The following SLC35E3 variants were observed in gnomAD, a reference collection of about 807,000 sequenced individuals.
The protein encoded by SLC35E3 is bladder cancer-overexpressed gene 1 protein.
A neutral mutation model predicts 30.8 loss-of-function variants in SLC35E3; 28 were observed. The observed-to-expected ratio is 0.91, with a 90% CI of 0.67 to 1.25. SLC35E3 has a LOEUF of 1.25. SLC35E3 is among the 50% of genes most tolerant of loss of function. The pLI, the probability that SLC35E3 is intolerant of heterozygous loss-of-function variation, is 0.00. For missense variants in SLC35E3, 365 were observed against 375.4 expected (o/e 0.97, Z 0.23); for synonymous variants, 146 against 149.2 (o/e 0.98, Z 0.16).
Position 68,746,599 on chromosome 12 carries a change from C to T in SLC35E3, c.222C>T (p.Pro74=), listed in dbSNP as rs1328251344. Residue 74 remains proline, a synonymous_variant, in exon 1 of 5, where the codon CCC becomes CCT. Coordinates refer to ENST00000398004, the MANE Select transcript of SLC35E3 (RefSeq NM_018656.5). ...TCTTTGCCCCCAAAAGTCTGCCGCC[C>T]TCCAGGCTCCTCCTCCTGGCCCTCA... ...LDIFAPKSLP[P]SRLLLLALSF... The T allele has an allele frequency of 4.3e-6, 7 of 1,614,140 alleles. No homozygotes were observed. In the Admixed American group the frequency reaches 1.0e-4, roughly 23 times the overall value.
At position 68,768,904 on chromosome 12, in the gene SLC35E3, G is replaced by T. The variant is rs909058612; in HGVS notation, c.*4014G>T. Reference sequence around the variant, plus strand: ...CTTTTTAAAATACTTTTAAAATCTTGCTGTTTTCAACCTATTAATGACTTT... The same window carrying T: ...CTTTTTAAAATACTTTTAAAATCTTTCTGTTTTCAACCTATTAATGACTTT... On this transcript the variant is annotated 3_prime_UTR_variant, in exon 5 of 5. Transcript: ENST00000398004. The T allele has an allele frequency of 1.3e-5, 2 of 152,126 alleles. No individual in the cohort carries two copies. The highest frequency in any genetic ancestry group is 2.9e-5 in the Non-Finnish European group (2 of 68,022). 9.4% of individuals were successfully genotyped at this position (152,126 alleles called of 1,614,324 possible).
In SLC35E3 at chr12:68,766,829, T is replaced by TCTGCCTCAGC. The variant is rs557327200; in HGVS notation, c.*1942_*1951dup. ...CAAACTCTTGAGCTCAAGCCATCTG[T>TCTGCCTCAGC]CTGCCTCAGCCTCTCGAAGTGCTGG... On this transcript the variant is annotated 3_prime_UTR_variant, in exon 5 of 5. Coordinates refer to ENST00000398004, the MANE Select transcript of SLC35E3 (RefSeq NM_018656.5). 79 of 446,020 alleles carry TCTGCCTCAGC rather than the reference T, an allele frequency of 1.8e-4. No individual in the cohort carries two copies. In the East Asian group the frequency reaches 5.7e-3, roughly 32 times the overall value. The allele number at this position is 446,020 out of a possible 1,614,324, so 27.6% of individuals were successfully genotyped here. A position where few individuals can be genotyped will look rare whatever the true frequency, so the allele number is the denominator to read the frequency against.
intron 2 of SLC35E3, 129 bp downstream of exon 2, chr12:68,748,169 T>A: frequency 1.7e-6 from 1 of 592,720 alleles, no homozygotes. Flanking sequence ...TTGCATAAGT[T>A]GTCTGACTCA....
At position 68,756,340 on chromosome 12, in the gene SLC35E3, C is replaced by T. The variant is rs182869120; in HGVS notation, c.673-2817C>T. ...AAAAAAGGCAAAGAAACCAAGACCACAGCAGGCTGAGGCCATTTAGTGTGA... is the reference window on the plus strand; with the variant it reads ...AAAAAAGGCAAAGAAACCAAGACCATAGCAGGCTGAGGCCATTTAGTGTGA... On this transcript the variant is annotated intron_variant, in intron 3 of 4. Transcript: ENST00000398004. Among the ~76,000 whole-genome samples the T allele has an allele frequency of 3.2e-4, 46 of 145,540 alleles. 1 individual carries two copies. Among genetic ancestry groups the T allele is most frequent in the Admixed American group, 1.7e-3 (24 of 14,448 alleles).
At chr12:68,753,103 A>G (rs1370129230) in intron 3 of SLC35E3, among the ~76,000 whole-genome samples, 3 of 31,688 alleles carry the variant, frequency 9.5e-5, no homozygotes, top group South Asian at 1.4e-3. Flanking sequence ...CTGGGATCAC[A>G]CCTGTCTCAA....
intron 3 of SLC35E3, among the ~76,000 whole-genome samples, chr12:68,758,415 G>A (rs561888968): frequency 1.7e-4 from 26 of 150,622 alleles, no homozygotes; most frequent in Non-Finnish European, 2.8e-4. Flanking sequence ...GTGAAACTCC[G>A]TCTCAAAAAA....
At position 68,781,290 on chromosome 12, in the gene SLC35E3, T is replaced by G. The variant is rs1031289658; in HGVS notation, c.*16400T>G. 6.6e-6 allele frequency: 1 copy of G among 152,324 alleles called. No homozygotes were observed. Among genetic ancestry groups the G allele is most frequent in the Admixed American group, 6.5e-5 (1 of 15,298 alleles). 9.4% of individuals were successfully genotyped at this position (152,324 alleles called of 1,614,324 possible). On this transcript the variant is annotated 3_prime_UTR_variant, in exon 5 of 5. Transcript: ENST00000398004. ...GCACTGGGCAAATTATTCTGAATGT[T>G]CCCATGCTGAAGATTCTCTCAAAAA...
Position 68,746,274 on chromosome 12 carries a change from G to C in SLC35E3, c.-104G>C. ...TGTGCATGCCACTCCTGGGTCAGAC[G>C]GTGAGGTCGGCGTCTGCGAGGACGC... On this transcript the variant is annotated 5_prime_UTR_variant, in exon 1 of 5. Transcript: ENST00000398004. The C allele has an allele frequency of 8.8e-7, 1 of 1,137,420 alleles. No individual in the cohort carries two copies. Among genetic ancestry groups the C allele is most frequent in the Non-Finnish European group, 1.2e-6 (1 of 813,030 alleles). The allele number at this position is 1,137,420 out of a possible 1,614,324, so 70.5% of individuals were successfully genotyped here. A position where few individuals can be genotyped will look rare whatever the true frequency, so the allele number is the denominator to read the frequency against.
rs540594975 is a variant in SLC35E3 at position 68,781,131 on chromosome 12, A to G, written c.*16241A>G. 3 of 152,344 alleles carry G rather than the reference A, an allele frequency of 2.0e-5. No individual in the cohort carries two copies. Among genetic ancestry groups the G allele is most frequent in the East Asian group, 3.9e-4 (2 of 5,190 alleles). 9.4% of individuals were successfully genotyped at this position (152,344 alleles called of 1,614,324 possible). ...TATTGAGAGCATTATTTTTGAAAGT[A>G]TAAGATTTGTGATTGTAATATAAAC... On this transcript the variant is annotated 3_prime_UTR_variant, in exon 5 of 5. Coordinates refer to ENST00000398004, the MANE Select transcript of SLC35E3 (RefSeq NM_018656.5).
intron 4 of SLC35E3, among the ~76,000 whole-genome samples, chr12:68,762,022 G>A (rs1262851467): frequency 4.6e-5 from 7 of 151,882 alleles, no homozygotes; most frequent in African/African-American, 1.2e-4. Context: ...GTGAAGTGGC[G>A]CGATCATGGT....
chr12:68,752,474 A>G (rs1878840612), intron 3 of SLC35E3, among the ~76,000 whole-genome samples: 1 of 152,232 alleles, frequency 6.6e-6, no homozygotes, highest in Non-Finnish European at 1.5e-5. Flanking sequence ...GTCAAGCTAG[A>G]GCCCACAAAT....
chr12:68,759,297 C>A, intron 4 of SLC35E3, 58 bp downstream of exon 4: 1 of 1,191,824 alleles, frequency 8.4e-7, no homozygotes, highest in Non-Finnish European at 1.2e-6. Flanking sequence ...AAAACTTTTA[C>A]ATTCATTACC....
At chr12:68,750,930 A>G (rs1472544506) in intron 2 of SLC35E3, among the ~76,000 whole-genome samples, 7 of 152,194 alleles carry the variant, frequency 4.6e-5, no homozygotes, top group Non-Finnish European at 7.3e-5. Context: ...AAGTCATTCA[A>G]AAGCCTAGCT....
At chr12:68,762,408 G>A (rs976332436) in intron 4 of SLC35E3, among the ~76,000 whole-genome samples, 4 of 152,196 alleles carry the variant, frequency 2.6e-5, no homozygotes, top group African/African-American at 7.2e-5. Context: ...AGGAGGAGGC[G>A]GGGTCGGTGT....
rs1879631466 is a variant in SLC35E3, at chr12:68,772,591, A to G, written c.*7701A>G. 1 of 152,202 alleles carries G rather than the reference A, an allele frequency of 6.6e-6. No individual in the cohort carries two copies. The highest frequency in any genetic ancestry group is 1.5e-5 in the Non-Finnish European group (1 of 68,042). 9.4% of individuals were successfully genotyped at this position (152,202 alleles called of 1,614,324 possible). Reference sequence around the variant, plus strand: ...TTTGTTATGCTGCTTTTAATTTGGAAAGCAGCATATCACTCAAACTATAGT... The same window carrying G: ...TTTGTTATGCTGCTTTTAATTTGGAGAGCAGCATATCACTCAAACTATAGT... On this transcript the variant is annotated 3_prime_UTR_variant, in exon 5 of 5. Coordinates refer to ENST00000398004, the MANE Select transcript of SLC35E3 (RefSeq NM_018656.5).
chr12:68,753,931 A>C (rs1280411891), intron 3 of SLC35E3, among the ~76,000 whole-genome samples: 5 of 151,870 alleles, frequency 3.3e-5, no homozygotes, highest in Non-Finnish European at 5.9e-5. Context: ...GGCTCACTGC[A>C]AACTCCGCCT....
In SLC35E3 at chr12:68,771,747, C is replaced by T. The variant is rs1023825211; in HGVS notation, c.*6857C>T. ...CGGGAGCTAGTAGCATGCAGTGGAA[C>T]AGGTCTCACCTGGACGGCAGCACTG... On this transcript the variant is annotated 3_prime_UTR_variant, in exon 5 of 5. Transcript: ENST00000398004. 6.6e-6 allele frequency: 1 copy of T among 152,362 alleles called. No homozygotes were observed. Among genetic ancestry groups the T allele is most frequent in the African/African-American group, 2.4e-5 (1 of 41,600 alleles). 9.4% of individuals were successfully genotyped at this position (152,362 alleles called of 1,614,324 possible). A position where few individuals can be genotyped will look rare whatever the true frequency, so the allele number is the denominator to read the frequency against.
chr12:68,753,954 C>G (rs1169238346), intron 3 of SLC35E3, among the ~76,000 whole-genome samples: 1 of 151,856 alleles, frequency 6.6e-6, no homozygotes, highest in South Asian at 2.1e-4. Context: ...CGGGTTCAAG[C>G]GGTTCTCCTG....
intron 3 of SLC35E3, among the ~76,000 whole-genome samples, chr12:68,757,718 T>C (rs1242765837): frequency 6.6e-6 from 1 of 152,234 alleles, no homozygotes; most frequent in African/African-American, 2.4e-5. Context: ...GGGCAGGAAC[T>C]TTGTACATAC....
Sources: allele counts gnomAD v4.1 joint callset (sites outside exome capture counted in the v4.1 genomes callset), GRCh38; gene constraint gnomAD v4.1.1; transcripts MANE v1.5; gene names NCBI Gene and HGNC (gene_info 2026-07-23, HGNC 2026-07-21).